Variants in OR2L5 observed in about 807,000 individuals in gnomAD.
OR2L5 encodes olfactory receptor 2L5.
For synonymous variants in OR2L5, 169 were observed against 142.0 expected, an observed-to-expected ratio of 1.19 and a Z score of -1.35; for missense variants, 413 against 381.6, an observed-to-expected ratio of 1.08 and a Z score of -0.69.
chr1:248,019,728 C>A (rs932131336), intron 1 of OR2L5, among the ~76,000 whole-genome samples: 51 of 149,694 alleles, frequency 3.4e-4, no homozygotes, highest in African/African-American at 1.2e-3. Flanking sequence ...TCCTCCTCCT[C>A]CTTCCTTCCT....
chr1:248,019,090 G>A (rs533445134), intron 1 of OR2L5, among the ~76,000 whole-genome samples: 55 of 152,242 alleles, frequency 3.6e-4, no homozygotes, highest in African/African-American at 1.2e-3. Context: ...TAATACTGCT[G>A]TGAATGTGGC....
intron 1 of OR2L5, among the ~76,000 whole-genome samples, chr1:248,016,593 C>T (rs1334275093): frequency 6.6e-6 from 1 of 151,936 alleles, no homozygotes; most frequent in African/African-American, 2.4e-5. Flanking sequence ...GTAAATTTAA[C>T]CTCTGTCTTT....
At position 248,022,145 on chromosome 1, in the gene OR2L5, C is replaced by T. The variant is rs760383660; in HGVS notation, c.198C>T (p.Ser66=). ...TPMYFLLSQL[S]LIDLNYISTI... is the part of the protein sequence containing the mutation. The stretch of plus-strand genomic sequence containing the variant: ...TGTATTTCCTGCTTAGTCAGCTCTC[C>T]CTCATTGACCTAAATTACATCTCTA... The change falls in exon 2 of 2, where the codon TCC becomes TCT. Residue 66 remains serine (S), a synonymous_variant. Transcript: ENST00000355281. 2.2e-5 allele frequency: 36 copies of T among 1,613,842 alleles called. No individual in the cohort carries two copies. Among genetic ancestry groups the T allele is most frequent in the Non-Finnish European group, 2.7e-5 (32 of 1,179,888 alleles).
At chr1:248,018,204 T>G (rs79538100) in intron 1 of OR2L5, among the ~76,000 whole-genome samples, 4,595 of 151,736 alleles carry the variant, frequency 0.03, 220 homozygotes, top group African/African-American at 0.11. Flanking sequence ...AATGAGGTAC[T>G]CAGTTGCAAC....
intron 1 of OR2L5, among the ~76,000 whole-genome samples, chr1:248,016,804 T>C (rs1045338614): frequency 6.6e-6 from 1 of 152,130 alleles, no homozygotes; most frequent in Non-Finnish European, 1.5e-5. Flanking sequence ...TGTGTGTTTG[T>C]GTAAATATAG....
chr1:248,022,093 T>G lies in OR2L5; in HGVS notation c.146T>G (p.Phe49Cys). 2 of 1,613,954 alleles carry G rather than the reference T, an allele frequency of 1.2e-6. No individual in the cohort carries two copies. The highest frequency in any genetic ancestry group is 8.5e-7 in the Non-Finnish European group (1 of 1,179,850). ...IGNLSMILLI[F>C]LDTHLHTPMY... Reference sequence around the variant, plus strand: ...AACCTATCCATGATTCTTCTCATCTTCTTGGACACCCATCTCCACACACCC... The same window carrying G: ...AACCTATCCATGATTCTTCTCATCTGCTTGGACACCCATCTCCACACACCC... The change falls in exon 2 of 2, where the codon TTC becomes TGC. Residue 49 changes from phenylalanine to cysteine, a missense_variant. Coordinates refer to ENST00000355281, the MANE Select transcript of OR2L5 (RefSeq NM_001258284.2).
At chr1:248,020,068 C>A (rs968603870) in intron 1 of OR2L5, among the ~76,000 whole-genome samples, 1 of 152,176 alleles carries the variant, frequency 6.6e-6, no homozygotes, top group Admixed American at 6.5e-5. Context: ...CAGGTGTGAA[C>A]AAACGCACCT....
chr1:248,015,412 T>C (rs1464780280), intron 1 of OR2L5, among the ~76,000 whole-genome samples: 3 of 152,212 alleles, frequency 2.0e-5, no homozygotes, highest in Middle Eastern at 3.4e-3. Context: ...TAGACAAGTG[T>C]TGTCAATGTG....
intron 1 of OR2L5, among the ~76,000 whole-genome samples, chr1:248,015,183 C>A (rs1190201205): frequency 6.6e-6 from 1 of 152,148 alleles, no homozygotes; most frequent in East Asian, 1.9e-4. Context: ...CCCTTCTCAA[C>A]AATTAAAAAT....
At chr1:248,017,582 G>A (rs1285812502) in intron 1 of OR2L5, among the ~76,000 whole-genome samples, 1 of 152,220 alleles carries the variant, frequency 6.6e-6, no homozygotes, top group African/African-American at 2.4e-5. Context: ...TTATTGGGAA[G>A]TGCTTCCCCT....
intron 1 of OR2L5, among the ~76,000 whole-genome samples, chr1:248,014,613 C>G (rs1209212516): frequency 1.3e-5 from 2 of 152,094 alleles, no homozygotes; most frequent in Admixed American, 6.6e-5. Flanking sequence ...CTATATTACT[C>G]TACAGTCATA....
At chr1:248,017,763 T>G (rs1246128456) in intron 1 of OR2L5, among the ~76,000 whole-genome samples, 3 of 152,136 alleles carry the variant, frequency 2.0e-5, no homozygotes, top group Non-Finnish European at 4.4e-5. Flanking sequence ...CCTAGTGGGA[T>G]GGAGTTCTGG....
rs746213212 is a variant in OR2L5 at position 248,022,445 on chromosome 1, A to G, written c.498A>G (p.Pro166=). 5 of 1,614,190 alleles carry G rather than the reference A, an allele frequency of 3.1e-6. No individual in the cohort carries two copies. The highest frequency in any genetic ancestry group is 4.2e-6 in the Non-Finnish European group (5 of 1,180,040). ...ACACAGTATATGCATTCCGTATCCC[A>G]TATTGCAAGTCCAGAGCCATCAATC... ...CAHTVYAFRI[P]YCKSRAINHF... The change falls in exon 2 of 2, where the codon CCA becomes CCG. Residue 166 remains proline, a synonymous_variant. Coordinates refer to ENST00000355281, the MANE Select transcript of OR2L5 (RefSeq NM_001258284.2).
At position 248,023,117 on chromosome 1, in the gene OR2L5, A is replaced by G; in HGVS notation, c.*231A>G. The G allele has an allele frequency of 5.3e-6, 2 of 379,362 alleles. No individual in the cohort carries two copies. The highest frequency in any genetic ancestry group is 8.7e-5 in the East Asian group (2 of 23,120). 23.5% of individuals were successfully genotyped at this position (379,362 alleles called of 1,614,324 possible). A position where few individuals can be genotyped will look rare whatever the true frequency, so the allele number is the denominator to read the frequency against. On this transcript the variant is annotated 3_prime_UTR_variant, in exon 2 of 2. Transcript: ENST00000355281. ...GATCATATATTTTACACTAAATTGT[A>G]AGGCCATAGAATTTCATTATCATGT...
chr1:248,022,485 G>T lies in OR2L5; in HGVS notation c.538G>T (p.Val180Phe), dbSNP rs1292757885. 1 of 1,614,038 alleles carries T rather than the reference G, an allele frequency of 6.2e-7. No homozygotes were observed. Among genetic ancestry groups the T allele is most frequent in the African/African-American group, 1.3e-5 (1 of 74,912 alleles). The change falls in exon 2 of 2, where the codon GTT becomes TTT. Residue 180 changes from valine to phenylalanine, a missense_variant. Val to Phe is a conservative substitution (Grantham distance 50). Transcript: ENST00000355281. ...AGCCATCAATCATTTTTTCTGTGAT[G>T]TTCCAGCTATGTTGACATTAGCCTG... is the stretch of plus-strand genomic sequence containing the variant. The part of the protein sequence containing the change: ...SRAINHFFCD[V>F]PAMLTLACTD...
chr1:248,023,086 A>C lies in OR2L5; in HGVS notation c.*200A>C. ...TTCTGTTTGTGTTTCTTTTTATCAA[A>C]AGACAGATCATATATTTTACACTAA... On this transcript the variant is annotated 3_prime_UTR_variant, in exon 2 of 2. Transcript: ENST00000355281. 2.0e-6 allele frequency: 1 copy of C among 488,332 alleles called. No homozygotes were observed. Among genetic ancestry groups the C allele is most frequent in the South Asian group, 3.9e-5 (1 of 25,364 alleles). 30.2% of individuals were successfully genotyped at this position (488,332 alleles called of 1,614,324 possible).
intron 1 of OR2L5, among the ~76,000 whole-genome samples, chr1:248,018,214 C>CATAAT (rs1384649844): frequency 2.6e-5 from 4 of 151,766 alleles, no homozygotes; most frequent in African/African-American, 9.7e-5. Context: ...TCAGTTGCAA[C>CATAAT]ATGACAATAA....
intron 1 of OR2L5, among the ~76,000 whole-genome samples, chr1:248,017,658 A>T (rs1474735000): frequency 6.6e-6 from 1 of 151,796 alleles, no homozygotes; most frequent in Non-Finnish European, 1.5e-5. Context: ...GGGTGAGGAG[A>T]TGGGGGTCCA....
At position 248,017,124 on chromosome 1, in the gene OR2L5, C is replaced by T. The variant is rs1039974150; in HGVS notation, c.-22+3386C>T. On this transcript the variant is annotated intron_variant, in intron 1 of 1. Coordinates refer to ENST00000355281, the MANE Select transcript of OR2L5 (RefSeq NM_001258284.2). ...TGCTTTTTCATCTTTTGTATGACAT[C>T]ATTAATGCTGATGCCCAGGTATATA... Among the ~76,000 whole-genome samples the T allele has an allele frequency of 4.6e-5, 7 of 152,166 alleles. No individual in the cohort carries two copies. In the East Asian group the frequency reaches 9.7e-4, roughly 21 times the overall value.
Sources: allele counts gnomAD v4.1 joint callset (sites outside exome capture counted in the v4.1 genomes callset), GRCh38; gene constraint gnomAD v4.1.1; transcripts MANE v1.5; gene names NCBI Gene and HGNC (gene_info 2026-07-23, HGNC 2026-07-21).